Variants in CYFIP2 observed in about 807,000 individuals in gnomAD.
CYFIP2 encodes cytoplasmic FMR1 interacting protein 2.
A neutral mutation model predicts 158.7 loss-of-function variants in CYFIP2; 29 were observed. The observed-to-expected ratio is 0.18, with a 90% confidence interval of 0.14 to 0.25. CYFIP2 has a LOEUF of 0.25. Among genes scored for constraint, CYFIP2 ranks in the 10% least tolerant of loss-of-function variants. The pLI, the probability that CYFIP2 is intolerant of heterozygous loss-of-function variation, is 1.00. For missense variants in CYFIP2, 852 were observed against 1,639.5 expected (o/e 0.52, Z 8.29); for synonymous variants, 585 against 617.6 (o/e 0.95, Z 0.78).
intron 26 of CYFIP2, chr5:157,364,297 C>T (rs942778039): frequency 3.3e-5 from 5 of 151,702 alleles, no homozygotes; most frequent in African/African-American, 1.2e-4. Context: ...ACCATCAATT[C>T]AGCTTCCCCT....
At chr5:157,286,552 GTATATATATA>G (rs34826918) in intron 2 of CYFIP2, among the ~76,000 whole-genome samples, 12 of 138,122 alleles carry the variant, frequency 8.7e-5, no homozygotes, top group African/African-American at 3.0e-4. Flanking sequence ...GCTATTTTAT[GTATATATATA>G]TATATATATA....
At chr5:157,267,974 G>C (rs1392463994) in intron 1 of CYFIP2, among the ~76,000 whole-genome samples, 1 of 152,240 alleles carries the variant, frequency 6.6e-6, no homozygotes, top group Non-Finnish European at 1.5e-5. Flanking sequence ...TGTTTGACTG[G>C]TCAGGTGTTA....
At chr5:157,313,537 G>A (rs761451758) in intron 11 of CYFIP2, among the ~76,000 whole-genome samples, 1 of 152,206 alleles carries the variant, frequency 6.6e-6, no homozygotes, top group Non-Finnish European at 1.5e-5. Flanking sequence ...CTGTATGAGA[G>A]CTGAAACAAG....
At chr5:157,276,807 C>A (rs1466275058) in intron 1 of CYFIP2, among the ~76,000 whole-genome samples, 1 of 152,034 alleles carries the variant, frequency 6.6e-6, no homozygotes, top group Admixed American at 6.6e-5. Context: ...CAGATAATAC[C>A]CAGACCTGTG....
Position 157,383,254 on chromosome 5 carries a change from T to C in CYFIP2, c.3113-11T>C. Reference sequence around the variant, plus strand: ...TGAGTCTCATTTTCTGCTCTGCGACTCCTTTTGCAGAGGGGGAGCGCCTGG... The same window carrying C: ...TGAGTCTCATTTTCTGCTCTGCGACCCCTTTTGCAGAGGGGGAGCGCCTGG... On this transcript the variant is annotated splice_polypyrimidine_tract_variant and intron_variant, in intron 27 of 30. Coordinates refer to ENST00000620254, the MANE Select transcript of CYFIP2 (RefSeq NM_001037333.3). 6.2e-7 allele frequency: 1 copy of C among 1,613,196 alleles called. No individual in the cohort carries two copies. Among genetic ancestry groups the C allele is most frequent in the African/African-American group, 1.3e-5 (1 of 75,016 alleles).
intron 20 of CYFIP2, among the ~76,000 whole-genome samples, chr5:157,331,318 A>G (rs1761443701): frequency 6.6e-6 from 1 of 151,160 alleles, no homozygotes. Flanking sequence ...CTATATGTAG[A>G]GGAGATGTTG....
chr5:157,293,702 T>C (rs1362133160), intron 3 of CYFIP2, among the ~76,000 whole-genome samples: 2 of 152,220 alleles, frequency 1.3e-5, no homozygotes, highest in Non-Finnish European at 1.5e-5. Flanking sequence ...GTTTTTCCTG[T>C]CCACTGCACA....
intron 28 of CYFIP2, among the ~76,000 whole-genome samples, chr5:157,388,544 G>A (rs1215450877): frequency 6.6e-6 from 1 of 152,186 alleles, no homozygotes; most frequent in East Asian, 1.9e-4. Flanking sequence ...TCTAAAATAT[G>A]CTTTACACAC....
chr5:157,327,395 T>G (rs1761108231), intron 18 of CYFIP2, among the ~76,000 whole-genome samples: 1 of 151,860 alleles, frequency 6.6e-6, no homozygotes, highest in Non-Finnish European at 1.5e-5. Flanking sequence ...TGAAACCCCG[T>G]CTCTACTAAA....
At chr5:157,270,436 A>G (rs1755997058) in intron 1 of CYFIP2, among the ~76,000 whole-genome samples, 1 of 152,244 alleles carries the variant, frequency 6.6e-6, no homozygotes, top group South Asian at 2.1e-4. Flanking sequence ...AGAATTGTCT[A>G]ACTTCACTGA....
At position 157,339,137 on chromosome 5, in the gene CYFIP2, C is replaced by T. The variant is rs762399277; in HGVS notation, c.2466C>T (p.Ala822=). ...ATATGACGCTGGACAGCTTCGATGC[C>T]ATGTTCCGAGAGGCCAATCACAATG... is the stretch of plus-strand genomic sequence containing the variant. ...CKHMTLDSFD[A]MFREANHNVS... Residue 822 remains alanine, a synonymous_variant, in exon 22 of 31, where the codon GCC becomes GCT. Coordinates refer to ENST00000620254, the MANE Select transcript of CYFIP2 (RefSeq NM_001037333.3). 3 of 1,613,924 alleles carry T rather than the reference C, an allele frequency of 1.9e-6. No homozygotes were observed. In the South Asian group the frequency reaches 3.3e-5, roughly 18 times the overall value.
intron 30 of CYFIP2, among the ~76,000 whole-genome samples, chr5:157,391,711 G>A (rs1767307646): frequency 6.6e-6 from 1 of 152,164 alleles, no homozygotes; most frequent in South Asian, 2.1e-4. Flanking sequence ...TTTTGAAAAT[G>A]GTTAATTTTG....
intron 5 of CYFIP2, among the ~76,000 whole-genome samples, chr5:157,297,839 A>G (rs1758379369): frequency 6.6e-6 from 1 of 152,278 alleles, no homozygotes; most frequent in Admixed American, 6.5e-5. Flanking sequence ...AAAAAAAATA[A>G]AACGAGACAA....
At chr5:157,312,714 T>C (rs1759836486) in intron 11 of CYFIP2, among the ~76,000 whole-genome samples, 1 of 152,230 alleles carries the variant, frequency 6.6e-6, no homozygotes, top group Admixed American at 6.5e-5. Flanking sequence ...ATGCAAGGCC[T>C]CGTGGCCATT....
At chr5:157,318,056 A>G (rs548326839) in intron 13 of CYFIP2, among the ~76,000 whole-genome samples, 1 of 152,200 alleles carries the variant, frequency 6.6e-6, no homozygotes, top group Non-Finnish European at 1.5e-5. Context: ...GCCCATTTTT[A>G]AAAAATCGGG....
chr5:157,358,123 C>T (rs925172927), intron 23 of CYFIP2, among the ~76,000 whole-genome samples: 4 of 152,170 alleles, frequency 2.6e-5, no homozygotes, highest in Non-Finnish European at 5.9e-5. Flanking sequence ...GCTCCGTAAG[C>T]GGCAGCATTT....
At chr5:157,334,765 T>G (rs998061317) in intron 21 of CYFIP2, among the ~76,000 whole-genome samples, 3 of 151,720 alleles carry the variant, frequency 2.0e-5, no homozygotes, top group Non-Finnish European at 4.4e-5. Context: ...TGTTACAAAT[T>G]AGGAAAGAAT....
intron 26 of CYFIP2, among the ~76,000 whole-genome samples, chr5:157,381,643 A>G (rs1355856891): frequency 6.6e-6 from 1 of 151,946 alleles, no homozygotes; most frequent in Non-Finnish European, 1.5e-5. Context: ...TTCCTCTGGT[A>G]GCCTCATTTC....
In CYFIP2 at chr5:157,324,028, C is replaced by A. The variant is rs1267012960; in HGVS notation, c.1779C>A (p.Asp593Glu). The change falls in exon 16 of 31, where the codon GAC (aspartate) becomes GAA (glutamate). Residue 593 changes from aspartate (D) to glutamate (E), a missense_variant. By Grantham distance (45) the Asp-to-Glu change is conservative. This residue lies in a region of CYFIP2 where 167 missense variants were observed against 343.3 expected (regional missense o/e 0.49). Coordinates refer to ENST00000620254, the MANE Select transcript of CYFIP2 (RefSeq NM_001037333.3). ...LDGPIVLAIE[D>E]FHKQSFFFTH... The stretch of plus-strand genomic sequence containing the variant: ...GACCCATTGTCCTCGCCATAGAGGA[C>A]TTTCACAAACAGTCCTTCTTCTTCA... 6.2e-7 allele frequency: 1 copy of A among 1,613,754 alleles called. No homozygotes were observed. Among genetic ancestry groups the A allele is most frequent in the Non-Finnish European group, 8.5e-7 (1 of 1,179,828 alleles).
Sources: allele counts gnomAD v4.1 joint callset (sites outside exome capture counted in the v4.1 genomes callset), GRCh38; gene constraint gnomAD v4.1.1; regional missense constraint gnomAD v4.1.1; transcripts MANE v1.5; gene names NCBI Gene and HGNC (gene_info 2026-07-23, HGNC 2026-07-21).